SPTBN1: variants seen among roughly 807,000 people sequenced by gnomAD.
SPTBN1 encodes spectrin beta chain, non-erythrocytic 1.
In SPTBN1, 32 loss-of-function variants were observed where a neutral mutation model predicts 266.4. The ratio of observed to expected loss-of-function variants is 0.12; its 90% confidence interval spans 0.09 to 0.16. The LOEUF is 0.16. Ranked by LOEUF, SPTBN1 falls within the 10% of genes least tolerant of loss-of-function variation. The pLI is 1.00. For missense variants in SPTBN1, 2,296 were observed against 3,067.1 expected (o/e 0.75, Z 5.94); for synonymous variants, 1,336 against 1,162.2 (o/e 1.15, Z -3.04).
chr2:54,655,815 G>GTCTT, intron 28 of SPTBN1, 99 bp from the exon 29 acceptor site: 2 of 840,562 alleles, frequency 2.4e-6, no homozygotes, highest in Non-Finnish European at 3.8e-6. Context: ...CTTAATGGTG[G>GTCTT]TCTTTGCAGA....
intron 1 of SPTBN1, among the ~76,000 whole-genome samples, chr2:54,480,059 A>G (rs1033611056): frequency 3.9e-5 from 6 of 152,192 alleles, no homozygotes; most frequent in African/African-American, 1.4e-4. Context: ...CTTTCCTCAG[A>G]TAAAGGCTCA....
chr2:54,496,571 T>G (rs895295421), intron 1 of SPTBN1, among the ~76,000 whole-genome samples: 14 of 152,192 alleles, frequency 9.2e-5, no homozygotes, highest in African/African-American at 3.1e-4. Flanking sequence ...CAGTTCTAGA[T>G]GTAAGTTCAG....
At chr2:54,598,826 G>A (rs1402420102) in intron 2 of SPTBN1, among the ~76,000 whole-genome samples, 2 of 152,164 alleles carry the variant, frequency 1.3e-5, no homozygotes, top group Non-Finnish European at 2.9e-5. Flanking sequence ...TTTAAGGACT[G>A]GACAGTTCCT....
At chr2:54,652,730 C>A (rs1411154081) in intron 26 of SPTBN1, 1 of 152,204 alleles carries the variant, frequency 6.6e-6, no homozygotes, top group African/African-American at 2.4e-5. Flanking sequence ...ACAAATATAT[C>A]ATCACACTTG....
chr2:54,536,699 C>A (rs1158210832), intron 2 of SPTBN1, among the ~76,000 whole-genome samples: 1 of 152,066 alleles, frequency 6.6e-6, no homozygotes, highest in Admixed American at 6.6e-5. Flanking sequence ...CACTTGAGTT[C>A]TCTGAACAAC....
chr2:54,614,928 T>TA (rs1353312732), intron 4 of SPTBN1, among the ~76,000 whole-genome samples: 2 of 152,150 alleles, frequency 1.3e-5, no homozygotes, highest in African/African-American at 4.8e-5. Flanking sequence ...TGGAAACAGA[T>TA]ACCCTTCACA....
intron 2 of SPTBN1, among the ~76,000 whole-genome samples, chr2:54,548,263 T>C (rs1672363970): frequency 6.6e-6 from 1 of 152,190 alleles, no homozygotes; most frequent in African/African-American, 2.4e-5. Flanking sequence ...AAGATCAATG[T>C]ATAAAACTGA....
intron 2 of SPTBN1, among the ~76,000 whole-genome samples, chr2:54,566,587 T>C (rs187406895): frequency 2.6e-5 from 4 of 152,252 alleles, no homozygotes; most frequent in Middle Eastern, 3.4e-3. Context: ...TACCAGCTCT[T>C]TGGGAGGTCG....
intron 2 of SPTBN1, among the ~76,000 whole-genome samples, chr2:54,570,808 T>C (rs1271701498): frequency 6.6e-6 from 1 of 152,218 alleles, no homozygotes; most frequent in African/African-American, 2.4e-5. Flanking sequence ...TTTATCTTTA[T>C]TCTTTGAAGG....
intron 10 of SPTBN1, among the ~76,000 whole-genome samples, 180 bp from the exon 11 acceptor site, chr2:54,624,624 C>T (rs1042343934): frequency 2.0e-5 from 3 of 152,180 alleles, no homozygotes; most frequent in Non-Finnish European, 4.4e-5. Context: ...TGAGGATACA[C>T]TGAGAGAAAA....
At chr2:54,478,650 C>T (rs1667963026) in intron 1 of SPTBN1, among the ~76,000 whole-genome samples, 1 of 152,170 alleles carries the variant, frequency 6.6e-6, no homozygotes, top group Non-Finnish European at 1.5e-5. Flanking sequence ...ACTTGGTGTC[C>T]TTGCAACTAT....
rs1673017162 is a variant in SPTBN1, at chr2:54,558,309, A to T, written c.148+31743A>T. ...ATTTCTAATACAATGCTGTTATGCT[A>T]ATCAGGTGACATCACCGCCCAGCAC... On this transcript the variant is annotated intron_variant, in intron 2 of 35. Transcript: ENST00000356805. The surrounding 1 kb of genome is among the most constrained non-coding windows in gnomAD (Gnocchi z 4.6). 7 of 989,070 alleles carry T rather than the reference A, an allele frequency of 7.1e-6. No homozygotes were observed. The South Asian group carries it at 2.3e-4, about 32-fold the overall frequency. 61.3% of individuals were successfully genotyped at this position (989,070 alleles called of 1,614,324 possible). A position where few individuals can be genotyped will look rare whatever the true frequency, so the allele number is the denominator to read the frequency against.
intron 1 of SPTBN1, among the ~76,000 whole-genome samples, chr2:54,512,926 C>T (rs964911853): frequency 5.3e-5 from 8 of 152,188 alleles, no homozygotes; most frequent in Non-Finnish European, 1.0e-4. Flanking sequence ...AGGCTGGGCA[C>T]GGTGGCTTAG....
At chr2:54,574,417 TG>T (rs1674316914) in intron 2 of SPTBN1, among the ~76,000 whole-genome samples, 1 of 152,200 alleles carries the variant, frequency 6.6e-6, no homozygotes, top group African/African-American at 2.4e-5. Context: ...AGGGAGCAGT[TG>T]GACCCAAGTC....
intron 1 of SPTBN1, among the ~76,000 whole-genome samples, chr2:54,494,329 T>A (rs191162968): frequency 7.9e-5 from 12 of 152,340 alleles, no homozygotes; most frequent in African/African-American, 2.6e-4. Context: ...GCAGTTTTTT[T>A]AACAAATTAC....
chr2:54,582,777 C>G (rs1019248535), intron 2 of SPTBN1, among the ~76,000 whole-genome samples: 2 of 152,106 alleles, frequency 1.3e-5, no homozygotes, highest in African/African-American at 2.4e-5. Context: ...AAGGTCCTTG[C>G]TAATGTAGAA....
intron 2 of SPTBN1, among the ~76,000 whole-genome samples, chr2:54,580,168 C>T (rs566109674): frequency 2.6e-5 from 4 of 152,324 alleles, no homozygotes; most frequent in Admixed American, 2.6e-4. Context: ...AGAATATTCT[C>T]TATGACAGCA....
At chr2:54,596,150 G>A (rs1676076327) in intron 2 of SPTBN1, among the ~76,000 whole-genome samples, 2 of 152,154 alleles carry the variant, frequency 1.3e-5, no homozygotes, top group Non-Finnish European at 2.9e-5. Flanking sequence ...GAGCTTGGAA[G>A]CACTCCTGGA....
rs938772963 is a variant in SPTBN1, at chr2:54,634,315, C to T, written c.3767+1547C>T. On this transcript the variant is annotated intron_variant, in intron 17 of 35. Transcript: ENST00000356805. ...GACTCCTGGATATGATAAAACGTTT[C>T]AGCAGCAGCAGCCCTCAGTTGTGGC... 2.0e-5 allele frequency among the ~76,000 whole-genome samples: 3 copies of T among 152,318 alleles called. No homozygotes were observed. In the South Asian group the frequency reaches 6.2e-4, roughly 32 times the overall value.
Sources: allele counts gnomAD v4.1 joint callset (sites outside exome capture counted in the v4.1 genomes callset), GRCh38; gene constraint gnomAD v4.1.1; non-coding constraint Gnocchi (gnomAD v3.1); transcripts MANE v1.5; gene names NCBI Gene and HGNC (gene_info 2026-07-23, HGNC 2026-07-21).